SHISA6: variants seen among roughly 807,000 people sequenced by gnomAD.
The protein encoded by SHISA6 is shisa family member 6.
In SHISA6, 22 loss-of-function variants were observed where a neutral mutation model predicts 47.9. The observed-to-expected ratio is 0.46, with a 90% CI of 0.33 to 0.66. The LOEUF (loss-of-function observed/expected upper bound fraction) is 0.66, where lower values mean the gene tolerates loss of function less well. SHISA6 is among the 30% of genes least tolerant of loss of function. SHISA6 has a pLI of 0.02. For synonymous variants in SHISA6, 388 were observed against 337.8 expected (o/e 1.15, Z -1.63); for missense variants, 680 against 764.6 (o/e 0.89, Z 1.30).
At chr17:11,511,810 C>T (rs2071543707) in intron 3 of SHISA6, among the ~76,000 whole-genome samples, 1 of 152,194 alleles carries the variant, frequency 6.6e-6, no homozygotes, top group South Asian at 2.1e-4. Flanking sequence ...AAGGTTCCTG[C>T]ATTAGAGAAG....
intron 2 of SHISA6, among the ~76,000 whole-genome samples, chr17:11,292,453 AAAT>A (rs1909586917): frequency 2.6e-5 from 4 of 152,118 alleles, no homozygotes; most frequent in African/African-American, 7.2e-5. Flanking sequence ...ATATAAAGTA[AAAT>A]AATAATAATT....
chr17:11,383,585 T>C (rs1913099353), intron 3 of SHISA6, among the ~76,000 whole-genome samples: 1 of 152,048 alleles, frequency 6.6e-6, no homozygotes, highest in African/African-American at 2.4e-5. Context: ...ACCCCCCAGG[T>C]TACATAGCAC....
chr17:11,376,892 C>T (rs1210152248), intron 2 of SHISA6, among the ~76,000 whole-genome samples: 1 of 152,178 alleles, frequency 6.6e-6, no homozygotes, highest in African/African-American at 2.4e-5. Flanking sequence ...AGCCGGGACC[C>T]TGCGATCTGT....
chr17:11,512,184 T>C (rs1438434355), intron 3 of SHISA6, among the ~76,000 whole-genome samples: 1 of 152,238 alleles, frequency 6.6e-6, no homozygotes, highest in Non-Finnish European at 1.5e-5. Context: ...TTTGATGACC[T>C]ATGTAATTTT....
chr17:11,360,397 CA>C (rs987510879), intron 2 of SHISA6, among the ~76,000 whole-genome samples: 7 of 151,688 alleles, frequency 4.6e-5, no homozygotes, highest in African/African-American at 1.7e-4. Context: ...GTCTCTACTA[CA>C]AAAATACAAA....
At chr17:11,517,436 A>G (rs1055223028) in intron 3 of SHISA6, among the ~76,000 whole-genome samples, 2 of 152,226 alleles carry the variant, frequency 1.3e-5, no homozygotes, top group African/African-American at 4.8e-5. Flanking sequence ...AGGAACAAAA[A>G]CAAAGGCAGC....
intron 1 of SHISA6, among the ~76,000 whole-genome samples, chr17:11,258,159 T>C (rs1270050839): frequency 1.3e-5 from 2 of 152,192 alleles, no homozygotes; most frequent in Non-Finnish European, 2.9e-5. Context: ...ATCATACTTA[T>C]CCAACAGCAT....
intron 3 of SHISA6, among the ~76,000 whole-genome samples, chr17:11,487,948 G>A (rs1916390931): frequency 6.6e-6 from 1 of 152,164 alleles, no homozygotes; most frequent in South Asian, 2.1e-4. Flanking sequence ...GCCTTGAAAG[G>A]CAAAAACCCA....
intron 2 of SHISA6, among the ~76,000 whole-genome samples, chr17:11,328,932 G>T (rs1295666251): frequency 6.6e-6 from 1 of 152,176 alleles, no homozygotes; most frequent in Non-Finnish European, 1.5e-5. Flanking sequence ...GTGCATTGAT[G>T]TAAAGGCTGC....
At chr17:11,450,912 T>G (rs1179461529) in intron 3 of SHISA6, among the ~76,000 whole-genome samples, 1 of 151,914 alleles carries the variant, frequency 6.6e-6, no homozygotes, top group Non-Finnish European at 1.5e-5. Flanking sequence ...TTGTCAGCCT[T>G]TATTATTTTA....
intron 2 of SHISA6, among the ~76,000 whole-genome samples, chr17:11,351,834 A>G (rs945221332): frequency 1.3e-5 from 2 of 152,354 alleles, no homozygotes; most frequent in Admixed American, 1.3e-4. Flanking sequence ...TGGTTACAGA[A>G]CAAAGCCATA....
chr17:11,466,835 A>T (rs1915821169), intron 3 of SHISA6, among the ~76,000 whole-genome samples: 1 of 152,066 alleles, frequency 6.6e-6, no homozygotes. Flanking sequence ...TTCTTCAGAG[A>T]CCACCCCCTG....
chr17:11,353,420 G>T (rs1040313029), intron 2 of SHISA6, among the ~76,000 whole-genome samples: 1 of 149,508 alleles, frequency 6.7e-6, no homozygotes, highest in African/African-American at 2.5e-5. Context: ...TCACGCCACC[G>T]CACTCCAGCC....
At chr17:11,484,904 C>T (rs761030785) in intron 3 of SHISA6, among the ~76,000 whole-genome samples, 60 of 152,176 alleles carry the variant, frequency 3.9e-4, no homozygotes, top group Non-Finnish European at 6.9e-4. Context: ...TTTGGAGCCT[C>T]ATGCTACAAA....
chr17:11,315,418 T>C (rs190007603), intron 2 of SHISA6, among the ~76,000 whole-genome samples: 18 of 152,294 alleles, frequency 1.2e-4, no homozygotes, highest in African/African-American at 4.3e-4. Context: ...CAATATTTAT[T>C]TCTCTTCTTT....
chr17:11,298,128 G>A (rs539023101), intron 2 of SHISA6, among the ~76,000 whole-genome samples: 9 of 152,340 alleles, frequency 5.9e-5, no homozygotes, highest in African/African-American at 2.2e-4. Context: ...GAACAGATGA[G>A]GAAGCTGAAG....
intron 2 of SHISA6, among the ~76,000 whole-genome samples, chr17:11,332,145 C>T (rs1181706901): frequency 6.6e-6 from 1 of 151,066 alleles, no homozygotes; most frequent in Non-Finnish European, 1.5e-5. Flanking sequence ...GCACCACCAT[C>T]CTCCCCCACC....
rs777857225 is a variant in SHISA6 at position 11,389,800 on chromosome 17, C to T, written c.895+10291C>T. 3.5e-4 allele frequency among the ~76,000 whole-genome samples: 54 copies of T among 152,152 alleles called. 1 individual carries two copies. Among genetic ancestry groups the T allele is most frequent in the Non-Finnish European group, 1.8e-4 (12 of 68,018 alleles). On this transcript the variant is annotated intron_variant, in intron 3 of 5. Coordinates refer to ENST00000441885, the MANE Select transcript of SHISA6 (RefSeq NM_207386.4). ...AGTGGTCATCTAAGTTGGGAATCTC[C>T]CCTTCTTATGTGCCAGCCCTTGGCA... is the stretch of plus-strand genomic sequence containing the variant.
chr17:11,298,943 C>CAA (rs1382776371), intron 2 of SHISA6, among the ~76,000 whole-genome samples: 2 of 152,214 alleles, frequency 1.3e-5, no homozygotes, highest in Non-Finnish European at 2.9e-5. Flanking sequence ...GGTAGAAAAT[C>CAA]AGAGTCAGCT....
Sources: allele counts gnomAD v4.1 joint callset (sites outside exome capture counted in the v4.1 genomes callset), GRCh38; gene constraint gnomAD v4.1.1; transcripts MANE v1.5; gene names NCBI Gene and HGNC (gene_info 2026-07-23, HGNC 2026-07-21).